The following GRB10 variants were observed in gnomAD, a reference collection of about 807,000 sequenced individuals.
GRB10 encodes growth factor receptor bound protein 10.
Under a neutral mutation model 80.9 loss-of-function variants are expected in GRB10, and 20 were observed. That is an observed-to-expected ratio of 0.25 (90% CI 0.17 to 0.36). The LOEUF is 0.36. Among genes scored for constraint, GRB10 ranks in the 10% least tolerant of loss-of-function variants. GRB10 has a pLI of 1.00. For missense variants in GRB10, 548 were observed against 747.7 expected, an observed-to-expected ratio of 0.73 and a Z score of 3.12; for synonymous variants, 291 against 291.5, an observed-to-expected ratio of 1.00 and a Z score of 0.02.
chr7:50,650,851 G>GA (rs1180804205), intron 7 of GRB10, among the ~76,000 whole-genome samples: 1 of 135,910 alleles, frequency 7.4e-6, no homozygotes, highest in Admixed American at 7.7e-5. Flanking sequence ...TCTCCTGGGA[G>GA]AAAAAAAATC....
chr7:50,745,131 T>A (rs2072665443), intron 3 of GRB10, among the ~76,000 whole-genome samples: 1 of 152,326 alleles, frequency 6.6e-6, no homozygotes, highest in South Asian at 2.1e-4. Flanking sequence ...CTCAAAAAAA[T>A]TTTCTAGTAA....
chr7:50,655,959 TA>T (rs1456808806), intron 7 of GRB10, among the ~76,000 whole-genome samples: 3 of 152,224 alleles, frequency 2.0e-5, no homozygotes, highest in African/African-American at 7.2e-5. Flanking sequence ...CTGTCTGTGA[TA>T]ATGTGCCTCT....
intron 7 of GRB10, among the ~76,000 whole-genome samples, chr7:50,660,393 C>T (rs952204399): frequency 3.3e-5 from 5 of 152,068 alleles, no homozygotes; most frequent in Non-Finnish European, 7.4e-5. Flanking sequence ...GTGGAGTGGA[C>T]GTCCTGCCAC....
chr7:50,738,052 T>C (rs2071113578), intron 3 of GRB10, among the ~76,000 whole-genome samples: 1 of 151,990 alleles, frequency 6.6e-6, no homozygotes, highest in South Asian at 2.1e-4. Context: ...GAAATGCAAA[T>C]CAGAACTGCA....
In GRB10 at chr7:50,712,959, A is replaced by G. The variant is rs560478774; in HGVS notation, c.52-9051T>C. On this transcript the variant is annotated intron_variant, in intron 4 of 18. Coordinates refer to ENST00000401949, the MANE Select transcript of GRB10 (RefSeq NM_001350814.2). ...AACATTTCCATCACCCTACAAAGAA[A>G]CCTCCTGCCCAGAGCCTGTCAATCT... 2.6e-5 allele frequency among the ~76,000 whole-genome samples: 4 copies of G among 152,198 alleles called. No individual in the cohort carries two copies. The South Asian group carries it at 8.3e-4, about 32-fold the overall frequency.
intron 7 of GRB10, among the ~76,000 whole-genome samples, chr7:50,629,380 G>C (rs1018475181): frequency 2.0e-5 from 3 of 152,120 alleles, no homozygotes; most frequent in African/African-American, 7.2e-5. Flanking sequence ...GATGTGCTTG[G>C]TCACACGTCC....
intron 3 of GRB10, among the ~76,000 whole-genome samples, chr7:50,746,927 T>C (rs1215710716): frequency 6.6e-6 from 1 of 152,164 alleles, no homozygotes; most frequent in East Asian, 1.9e-4. Flanking sequence ...CATTTCCCAC[T>C]TCAGGAGGGA....
intron 7 of GRB10, among the ~76,000 whole-genome samples, chr7:50,634,254 A>C (rs2054534336): frequency 6.6e-6 from 1 of 152,218 alleles, no homozygotes; most frequent in Non-Finnish European, 1.5e-5. Context: ...TTTAAGAAAA[A>C]AGAAACGTAA....
chr7:50,746,853 G>C (rs370511387), intron 3 of GRB10, among the ~76,000 whole-genome samples: 1 of 151,992 alleles, frequency 6.6e-6, no homozygotes, highest in Admixed American at 6.6e-5. Flanking sequence ...CTGTGCTCTC[G>C]CCTCAATTCA....
intron 3 of GRB10, among the ~76,000 whole-genome samples, chr7:50,753,598 G>T (rs1385486511): frequency 2.0e-5 from 3 of 152,168 alleles, no homozygotes; most frequent in Admixed American, 2.0e-4. Context: ...TGTCAAGTGG[G>T]ACCACAGATG....
upstream of GRB10, among the ~76,000 whole-genome samples, chr7:50,783,451 A>AC (rs1216098166): frequency 1.0e-5 from 1 of 96,488 alleles, no homozygotes; most frequent in Non-Finnish European, 2.2e-5. Context: ...CACACACCAC[A>AC]CACATCCCAC....
chr7:50,757,358 A>G (rs774811758), intron 2 of GRB10, among the ~76,000 whole-genome samples: 1 of 152,248 alleles, frequency 6.6e-6, no homozygotes, highest in Non-Finnish European at 1.5e-5. Flanking sequence ...AGCAAACGTT[A>G]AACAAATGTA....
At chr7:50,687,037 C>T (rs1242849794) in intron 5 of GRB10, among the ~76,000 whole-genome samples, 2 of 152,166 alleles carry the variant, frequency 1.3e-5, no homozygotes. Context: ...GTGCTCAGTA[C>T]ACGTTAGTTG....
chr7:50,633,453 T>G lies in GRB10; in HGVS notation c.505-6475A>C, dbSNP rs551980913. ...TGAAAGTAAATTCAAAAATAAGTAG[T>G]GACCGCTTCTACAGATGAGAAGAAA... On this transcript the variant is annotated intron_variant, in intron 7 of 18. Coordinates refer to ENST00000401949, the MANE Select transcript of GRB10 (RefSeq NM_001350814.2). Among the ~76,000 whole-genome samples, 6 of 152,222 alleles carry G rather than the reference T, an allele frequency of 3.9e-5. No homozygotes were observed. In the South Asian group the frequency reaches 1.2e-3, roughly 32 times the overall value.
rs147714258 is a variant in GRB10, at chr7:50,660,730, G to A, written c.504+8992C>T. The stretch of plus-strand genomic sequence containing the variant: ...GGTGTGAGGGGGGCCGAGGACAGAG[G>A]ATTTTAACTTGAAAATGGCGGGATG... On this transcript the variant is annotated intron_variant, in intron 7 of 18. Transcript: ENST00000401949. 8.2e-3 allele frequency among the ~76,000 whole-genome samples: 1,249 copies of A among 152,272 alleles called. 16 individuals are homozygous for A. The highest frequency in any genetic ancestry group is 0.029 in the African/African-American group (1,191 of 41,530).
At chr7:50,760,510 T>C (rs1363160883) in intron 2 of GRB10, among the ~76,000 whole-genome samples, 1 of 151,660 alleles carries the variant, frequency 6.6e-6, no homozygotes, top group Non-Finnish European at 1.5e-5. Context: ...ATTCAAGCAG[T>C]TTTTTTCTTA....
chr7:50,777,327 T>C (rs952201589), intron 2 of GRB10, among the ~76,000 whole-genome samples: 2 of 151,940 alleles, frequency 1.3e-5, no homozygotes, highest in African/African-American at 2.4e-5. Context: ...CTCTTATGAC[T>C]TAAACACCTC....
intron 5 of GRB10, among the ~76,000 whole-genome samples, chr7:50,695,118 C>T (rs1448061399): frequency 6.6e-6 from 1 of 152,200 alleles, no homozygotes; most frequent in African/African-American, 2.4e-5. Flanking sequence ...CTTCTCCCCA[C>T]TGCCTACACA....
At position 50,612,770 on chromosome 7, in the gene GRB10, A is replaced by G. The variant is rs769634559; in HGVS notation, c.1165T>C (p.Cys389Arg). 6.2e-7 allele frequency: 1 copy of G among 1,613,982 alleles called. No homozygotes were observed. Among genetic ancestry groups the G allele is most frequent in the South Asian group, 1.1e-5 (1 of 91,066 alleles). Residue 389 changes from cysteine (C) to arginine (R), a missense_variant, in exon 13 of 19, where the codon TGC becomes CGC. Transcript: ENST00000401949. ...LCAEDEQTRT[C>R]WMTAFRLLKY... is the part of the protein sequence containing the mutation. ...AGGAGTCTGAACGCTGTCATCCAGCACGTCCTGGTTTGCTCGTCCTCTGCA... is the reference window on the plus strand; with the variant it reads ...AGGAGTCTGAACGCTGTCATCCAGCGCGTCCTGGTTTGCTCGTCCTCTGCA...
Sources: gnomAD v4.1 joint callset for allele counts (sites outside exome capture counted in the v4.1 genomes callset) on GRCh38, gnomAD v4.1.1 for gene constraint, MANE v1.5 for transcripts, NCBI Gene and HGNC (gene_info 2026-07-23, HGNC 2026-07-21) for gene names.